The following DLG2 variants were observed in gnomAD, a reference collection of about 807,000 sequenced individuals.
DLG2 encodes disks large homolog 2.
In DLG2, 45 loss-of-function variants were observed where a neutral mutation model predicts 132.5. That is an observed-to-expected ratio of 0.34 (90% confidence interval 0.27 to 0.44). The LOEUF (loss-of-function observed/expected upper bound fraction) is 0.44. DLG2 is among the 20% of genes least tolerant of loss of function. The pLI is 1.00. For synonymous variants in DLG2, 424 were observed against 419.6 expected (o/e 1.01, Z -0.13); for missense variants, 1,045 against 1,196.9 (o/e 0.87, Z 1.87).
chr11:83,478,177 G>T (rs1209781624), intron 22 of DLG2, among the ~76,000 whole-genome samples: 1 of 152,092 alleles, frequency 6.6e-6, no homozygotes. Flanking sequence ...GGTACCGAAT[G>T]AATAAATAAA....
intron 3 of DLG2, among the ~76,000 whole-genome samples, chr11:85,529,987 GTTT>G (rs59507021): frequency 8.8e-6 from 1 of 113,112 alleles, no homozygotes; most frequent in African/African-American, 3.3e-5. Flanking sequence ...GAGAGGGTTT[GTTT>G]TTTTTTTTTT....
intron 6 of DLG2, among the ~76,000 whole-genome samples, chr11:85,107,860 G>A (rs2072036185): frequency 7.1e-6 from 1 of 141,010 alleles, no homozygotes; most frequent in African/African-American, 2.6e-5. Context: ...AATTAACGGG[G>A]AGTATAATTT....
intron 6 of DLG2, among the ~76,000 whole-genome samples, chr11:84,921,513 A>G (rs887207134): frequency 1.3e-5 from 2 of 152,162 alleles, no homozygotes; most frequent in African/African-American, 2.4e-5. Context: ...AAAAATGTAA[A>G]GCTAAATTCA....
At chr11:85,319,215 T>C (rs1018348972) in intron 3 of DLG2, among the ~76,000 whole-genome samples, 8 of 151,884 alleles carry the variant, frequency 5.3e-5, no homozygotes, top group South Asian at 2.1e-4. Context: ...CAAAGACTTA[T>C]AACCTTAGAA....
intron 7 of DLG2, among the ~76,000 whole-genome samples, chr11:84,444,281 A>T (rs1039925906): frequency 1.3e-5 from 2 of 152,168 alleles, no homozygotes; most frequent in Non-Finnish European, 2.9e-5. Flanking sequence ...GCTTATATCT[A>T]GGTGATGGGT....
chr11:83,840,534 A>T (rs1287978357), intron 16 of DLG2, among the ~76,000 whole-genome samples: 3 of 152,194 alleles, frequency 2.0e-5, no homozygotes, highest in African/African-American at 7.2e-5. Context: ...AAACTGGAAG[A>T]CACATTTCAT....
intron 6 of DLG2, among the ~76,000 whole-genome samples, chr11:84,583,680 T>C (rs2099521995): frequency 6.6e-6 from 1 of 152,180 alleles, no homozygotes; most frequent in South Asian, 2.1e-4. Context: ...TCTCTTATGA[T>C]TTAACAACTC....
Position 83,874,534 on chromosome 11 carries a change from AT to A in DLG2, c.1497-47del, listed in dbSNP as rs202072095. ...AACACACATCATTTATTTATTTTTT[AT>A]TTTTTTATTTTTTTATTATACTTTA... On this transcript the variant is annotated intron_variant, in intron 15 of 27. Transcript: ENST00000376104. 5.9e-4 allele frequency: 758 copies of A among 1,286,438 alleles called. 14 individuals carry two copies. Among genetic ancestry groups the A allele is most frequent in the Admixed American group, 1.6e-3 (60 of 38,398 alleles). The allele number at this position is 1,286,438 out of a possible 1,614,324, so 79.7% of individuals were successfully genotyped here. A position where few individuals can be genotyped will look rare whatever the true frequency, so the allele number is the denominator to read the frequency against.
chr11:84,861,618 C>CAAAAAAAAAAAAAAAAAAAAAAAA lies in DLG2; in HGVS notation c.357+250042_357+250043insTTTTTTTTTTTTTTTTTTTTTTTT, dbSNP rs1177657034. ...ATTAAACTAAAGAGCTTCTACACAGCAAAAAAAAAAAAAAAAAAAAACAAA... is the reference window on the plus strand; with the variant it reads ...ATTAAACTAAAGAGCTTCTACACAGCAAAAAAAAAAAAAAAAAAAAAAAAAAAAAAAAAAAAAAAAAAAAACAAA... On this transcript the variant is annotated intron_variant, in intron 6 of 27. Coordinates refer to ENST00000376104, the MANE Select transcript of DLG2 (RefSeq NM_001142699.3). Among the ~76,000 whole-genome samples, 12 of 35,836 alleles carry CAAAAAAAAAAAAAAAAAAAAAAAA rather than the reference C, an allele frequency of 3.3e-4. 2 individuals are homozygous for CAAAAAAAAAAAAAAAAAAAAAAAA. The highest frequency in any genetic ancestry group is 1.4e-3 in the African/African-American group (11 of 7,790). The allele number at this position is 35,836 out of a possible 152,430, so 23.5% of individuals were successfully genotyped here.
At chr11:85,132,398 C>A (rs1471787453) in intron 5 of DLG2, among the ~76,000 whole-genome samples, 1 of 152,002 alleles carries the variant, frequency 6.6e-6, no homozygotes, top group Non-Finnish European at 1.5e-5. Context: ...CTAATTATCA[C>A]ACTCAGAAAG....
intron 19 of DLG2, among the ~76,000 whole-genome samples, chr11:83,598,122 T>C (rs2057931200): frequency 6.6e-6 from 1 of 152,196 alleles, no homozygotes; most frequent in East Asian, 1.9e-4. Context: ...CTCAAAATCA[T>C]TTCAGAGGAT....
At chr11:84,964,182 A>T (rs890227778) in intron 6 of DLG2, among the ~76,000 whole-genome samples, 1 of 151,964 alleles carries the variant, frequency 6.6e-6, no homozygotes, top group African/African-American at 2.4e-5. Context: ...CTTCTCTGGC[A>T]TATATCAGAA....
chr11:83,514,526 T>C (rs1204935170), intron 21 of DLG2, among the ~76,000 whole-genome samples: 1 of 152,194 alleles, frequency 6.6e-6, no homozygotes, highest in Non-Finnish European at 1.5e-5. Context: ...TTTATTTCCT[T>C]CTCCTGCCTG....
intron 3 of DLG2, among the ~76,000 whole-genome samples, chr11:85,459,303 T>C (rs1337882711): frequency 6.6e-6 from 1 of 152,188 alleles, no homozygotes; most frequent in African/African-American, 2.4e-5. Flanking sequence ...GTTGTTCTAC[T>C]GGCTCTGCTT....
intron 7 of DLG2, among the ~76,000 whole-genome samples, chr11:84,315,054 G>A (rs1412653682): frequency 6.6e-6 from 1 of 152,096 alleles, no homozygotes. Context: ...GAATGGGAGG[G>A]AAAATGTATA....
intron 9 of DLG2, among the ~76,000 whole-genome samples, chr11:84,114,654 C>A (rs1031129049): frequency 6.6e-6 from 1 of 152,002 alleles, no homozygotes; most frequent in African/African-American, 2.4e-5. Context: ...AAGCATGCAC[C>A]CAGGTTTCCT....
intron 4 of DLG2, among the ~76,000 whole-genome samples, chr11:85,230,025 T>G (rs962524192): frequency 6.6e-6 from 1 of 152,056 alleles, no homozygotes; most frequent in Admixed American, 6.6e-5. Flanking sequence ...AAATACCTAA[T>G]GTAGATGATG....
At chr11:83,621,993 C>T (rs7946242) in intron 19 of DLG2, among the ~76,000 whole-genome samples, 9,673 of 152,248 alleles carry the variant, frequency 0.064, 411 homozygotes, top group South Asian at 0.12. Context: ...CAGCTCACTG[C>T]AACCTCCACC....
intron 4 of DLG2, among the ~76,000 whole-genome samples, chr11:85,159,328 T>A (rs1251479213): frequency 6.6e-6 from 1 of 152,184 alleles, no homozygotes; most frequent in Non-Finnish European, 1.5e-5. Context: ...ATAGACATAC[T>A]TGCAAGCTGG....
Sources: gnomAD v4.1 joint callset for allele counts (sites outside exome capture counted in the v4.1 genomes callset) on GRCh38, gnomAD v4.1.1 for gene constraint, MANE v1.5 for transcripts, NCBI Gene and HGNC (gene_info 2026-07-23, HGNC 2026-07-21) for gene names.